SLC36A1: variants seen among roughly 807,000 people sequenced by gnomAD.
SLC36A1 encodes the protein solute carrier family 36 member 1, also known as proton-coupled amino acid transporter 1.
In SLC36A1, 30 loss-of-function variants were observed where a neutral mutation model predicts 47.5. The observed-to-expected ratio is 0.63, with a 90% confidence interval of 0.47 to 0.86. SLC36A1 has a LOEUF of 0.86. Among genes scored for constraint, SLC36A1 ranks in the 40% least tolerant of loss-of-function variants. The pLI, the probability that SLC36A1 is intolerant of heterozygous loss-of-function variation, is 0.00. For synonymous variants in SLC36A1, 255 were observed against 249.7 expected, an observed-to-expected ratio of 1.02 and a Z score of -0.20; for missense variants, 517 against 606.0, an observed-to-expected ratio of 0.85 and a Z score of 1.54.
chr5:151,499,191 A>G, the SLC36A1 span, among the ~76,000 whole-genome samples: 10 of 152,204 alleles, frequency 6.6e-5, no homozygotes, highest in Non-Finnish European at 1.2e-4. Flanking sequence ...AATTTTGAGA[A>G]AAGTTTTAAA....
the SLC36A1 span, chr5:151,527,867 A>G: frequency 1.6e-6 from 2 of 1,252,646 alleles, no homozygotes; most frequent in East Asian, 2.4e-5. Context: ...AAAACAAGTG[A>G]GAGACATTCT....
the SLC36A1 span, among the ~76,000 whole-genome samples, chr5:151,536,133 G>A: frequency 6.6e-6 from 1 of 152,134 alleles, no homozygotes; most frequent in African/African-American, 2.4e-5. Flanking sequence ...GGAGGAAGGG[G>A]TTATCATGCA....
intron 1 of SLC36A1, among the ~76,000 whole-genome samples, chr5:151,448,904 G>A (rs1439446511): frequency 6.6e-6 from 1 of 152,032 alleles, no homozygotes; most frequent in Non-Finnish European, 1.5e-5. Context: ...CATCTTTCTA[G>A]GCTTGTTTTT....
chr5:151,531,574 A>G, the SLC36A1 span: 1 of 1,611,724 alleles, frequency 6.2e-7, no homozygotes, highest in Non-Finnish European at 8.5e-7. This position sits in a 1 kb window ranked among gnomAD's most constrained non-coding sequence, Gnocchi z 5.7. Flanking sequence ...GGCTTGGTGG[A>G]TCAGGCTCTC....
At chr5:151,367,829 C>T in the SLC36A1 span, among the ~76,000 whole-genome samples, 4 of 152,276 alleles carry the variant, frequency 2.6e-5, no homozygotes, top group Admixed American at 6.5e-5. Context: ...CCTGACTTCC[C>T]GTAACAGTAG....
chr5:151,451,871 A>G (rs941485649), intron 1 of SLC36A1, among the ~76,000 whole-genome samples: 1 of 152,084 alleles, frequency 6.6e-6, no homozygotes, highest in African/African-American at 2.4e-5. Context: ...TAAGGAGGGT[A>G]TATAATTTAA....
chr5:151,534,970 A>ATATATATATATATATATATATATATATAT, the SLC36A1 span, among the ~76,000 whole-genome samples: 21 of 106,388 alleles, frequency 2.0e-4, no homozygotes, highest in South Asian at 7.0e-4. Flanking sequence ...CTTCTAGGAA[A>ATATATATATATATATATATATATATATAT]ATATATATAT....
At chr5:151,399,618 G>T in the SLC36A1 span, among the ~76,000 whole-genome samples, 1 of 152,280 alleles carries the variant, frequency 6.6e-6, no homozygotes, top group Admixed American at 6.5e-5. Flanking sequence ...ATATGCTGAT[G>T]AGGCCATACC....
chr5:151,418,004 C>T, the SLC36A1 span, among the ~76,000 whole-genome samples: 1 of 152,224 alleles, frequency 6.6e-6, no homozygotes, highest in Admixed American at 6.5e-5. Context: ...CTAAAAGGTG[C>T]CAACATAGAG....
chr5:151,350,840 T>A, the SLC36A1 span, among the ~76,000 whole-genome samples: 6 of 152,070 alleles, frequency 3.9e-5, no homozygotes, highest in Non-Finnish European at 5.9e-5. Context: ...TAGCCAGGAC[T>A]ACAGGTGCAT....
At chr5:151,466,041 A>C (rs1337596391) in intron 5 of SLC36A1, among the ~76,000 whole-genome samples, 1 of 151,600 alleles carries the variant, frequency 6.6e-6, no homozygotes, top group African/African-American at 2.4e-5. Flanking sequence ...AGTCACCTTT[A>C]TCCTGTGATG....
the SLC36A1 span, among the ~76,000 whole-genome samples, chr5:151,351,192 A>G: frequency 6.6e-6 from 1 of 152,082 alleles, no homozygotes; most frequent in Non-Finnish European, 1.5e-5. Context: ...CATTTCGTTG[A>G]CTCATACTGT....
chr5:151,505,750 A>G, the SLC36A1 span: 9 of 1,613,572 alleles, frequency 5.6e-6, no homozygotes, highest in South Asian at 9.9e-5. Flanking sequence ...TCTGCCAGGC[A>G]GGGCCCTCCC....
At chr5:151,414,848 G>A in the SLC36A1 span, 1 of 152,156 alleles carries the variant, frequency 6.6e-6, no homozygotes, top group Admixed American at 6.5e-5. Flanking sequence ...GGTGTTTTCA[G>A]CTCCAGCCTT....
the SLC36A1 span, among the ~76,000 whole-genome samples, chr5:151,394,449 G>A: frequency 6.6e-6 from 1 of 152,256 alleles, no homozygotes; most frequent in African/African-American, 2.4e-5. Context: ...CTGGCGAGGA[G>A]CTGCACTCCT....
the SLC36A1 span, chr5:151,505,485 A>G: frequency 6.4e-7 from 1 of 1,556,714 alleles, no homozygotes; most frequent in Non-Finnish European, 8.7e-7. Flanking sequence ...GCCACACTCA[A>G]CTCACCCCCT....
the SLC36A1 span, among the ~76,000 whole-genome samples, chr5:151,384,031 CAA>C: frequency 6.7e-6 from 1 of 148,938 alleles, no homozygotes; most frequent in Non-Finnish European, 1.5e-5. Flanking sequence ...TGTTTTGTGA[CAA>C]AAAAAAAAGA....
the SLC36A1 span, among the ~76,000 whole-genome samples, chr5:151,532,172 T>C: frequency 2.6e-5 from 4 of 152,190 alleles, no homozygotes; most frequent in East Asian, 7.7e-4. Flanking sequence ...CTAAAATGCT[T>C]TTGGGGGAAC....
At chr5:151,443,164 T>C (rs1752720244), upstream of SLC36A1, among the ~76,000 whole-genome samples, 2 of 152,184 alleles carry the variant, frequency 1.3e-5, no homozygotes, top group Admixed American at 6.5e-5. Context: ...AGAAAGGGGA[T>C]TGATGGGTCA....
Sources: allele counts gnomAD v4.1 joint callset (sites outside exome capture counted in the v4.1 genomes callset), GRCh38; gene constraint gnomAD v4.1.1; non-coding constraint Gnocchi (gnomAD v3.1); transcripts MANE v1.5; gene names NCBI Gene and HGNC (gene_info 2026-07-23, HGNC 2026-07-21).